Variants in ZBTB40 observed in about 807,000 individuals in gnomAD.
ZBTB40 encodes zinc finger and BTB domain-containing protein 40.
ZBTB40 carries 60 observed loss-of-function variants against 117.5 expected under a neutral mutation model. The observed-to-expected ratio is 0.51, with a 90% CI of 0.41 to 0.63. The LOEUF (loss-of-function observed/expected upper bound fraction) is 0.63. Ranked by LOEUF, ZBTB40 falls within the 30% of genes least tolerant of loss-of-function variation. The probability of loss-of-function intolerance (pLI) is 0.00; values close to 1 mark genes in which losing one functional copy is unlikely to be tolerated. For missense variants in ZBTB40, 1,287 were observed against 1,498.5 expected (o/e 0.86, Z 2.33); for synonymous variants, 525 against 577.1 (o/e 0.91, Z 1.29).
At chr1:22,508,480 G>A in intron 7 of ZBTB40, 50 bp from the exon 8 acceptor site, 1 of 1,599,960 alleles carries the variant, frequency 6.3e-7, no homozygotes, top group Non-Finnish European at 8.6e-7. Flanking sequence ...CTGCAGCTGG[G>A]CTAGTGGCTG....
At chr1:22,520,408 T>C in intron 14 of ZBTB40, 133 bp downstream of exon 14, 1 of 771,482 alleles carries the variant, frequency 1.3e-6, no homozygotes, top group Non-Finnish European at 2.2e-6. Flanking sequence ...CTGATTCTCA[T>C]GAAGGATGCA....
chr1:22,511,681 C>T lies in ZBTB40; in HGVS notation c.2008C>T (p.Leu670Phe). The part of the protein sequence containing the change: ...VMQELAYIGV[L>F]TKEDGEKETW... The stretch of plus-strand genomic sequence containing the variant: ...GAGATGTCTCTTTTATGCAGGTGTC[C>T]TTACTAAGGAAGATGGAGAGAAGGA... The change falls in exon 11 of 18, where the codon CTT (leucine) becomes TTT (phenylalanine). Residue 670 changes from leucine to phenylalanine, a missense_variant. By Grantham distance (22) the Leu-to-Phe change is conservative (BLOSUM62 0). Transcript: ENST00000375647. The T allele has an allele frequency of 1.2e-6, 2 of 1,611,100 alleles. No homozygotes were observed. Among genetic ancestry groups the T allele is most frequent in the Non-Finnish European group, 1.7e-6 (2 of 1,179,338 alleles).
At chr1:22,461,221 G>A (rs1004131902) in intron 1 of ZBTB40, among the ~76,000 whole-genome samples, 1 of 152,068 alleles carries the variant, frequency 6.6e-6, no homozygotes, top group Non-Finnish European at 1.5e-5. Context: ...TCATTCAGTT[G>A]GTACTCTGCT....
intron 1 of ZBTB40, among the ~76,000 whole-genome samples, chr1:22,467,783 T>G (rs1229716086): frequency 1.3e-5 from 2 of 151,422 alleles, no homozygotes; most frequent in African/African-American, 4.8e-5. Context: ...CCTGTTTTTT[T>G]TTTTTTTTTT....
intron 1 of ZBTB40, among the ~76,000 whole-genome samples, chr1:22,468,565 T>C (rs1641319515): frequency 7.7e-6 from 1 of 130,690 alleles, no homozygotes; most frequent in African/African-American, 2.8e-5. Context: ...AGCTTGAAAC[T>C]CCTGGGCTCA....
intron 1 of ZBTB40, among the ~76,000 whole-genome samples, chr1:22,433,673 C>CCCT (rs1640632718): frequency 7.1e-6 from 1 of 140,166 alleles, no homozygotes; most frequent in South Asian, 2.7e-4. Context: ...CTAGAACTAA[C>CCCT]CCTCCACCGA....
chr1:22,456,249 A>G (rs1288851116), intron 1 of ZBTB40, among the ~76,000 whole-genome samples: 3 of 152,196 alleles, frequency 2.0e-5, no homozygotes, highest in African/African-American at 4.8e-5. Flanking sequence ...TGCAGGGAGC[A>G]TGCAGTTTTG....
chr1:22,514,048 G>A (rs1639313076), intron 12 of ZBTB40, among the ~76,000 whole-genome samples: 1 of 152,218 alleles, frequency 6.6e-6, no homozygotes, highest in African/African-American at 2.4e-5. Flanking sequence ...AAGGGGGCAG[G>A]GAGAGGGGAG....
intron 7 of ZBTB40, 109 bp from the exon 8 acceptor site, chr1:22,508,421 C>T: frequency 7.4e-7 from 1 of 1,357,856 alleles, no homozygotes; most frequent in Non-Finnish European, 1.1e-6. Context: ...TGTTGAAAAA[C>T]TCCTTCCCCA....
intron 1 of ZBTB40, among the ~76,000 whole-genome samples, chr1:22,459,249 A>T (rs1213604954): frequency 6.6e-6 from 1 of 152,124 alleles, no homozygotes; most frequent in Non-Finnish European, 1.5e-5. Context: ...TTGGATTTGC[A>T]GTCATAGTTA....
At chr1:22,455,082 C>G (rs548441453) in intron 1 of ZBTB40, among the ~76,000 whole-genome samples, 1 of 152,136 alleles carries the variant, frequency 6.6e-6, no homozygotes, top group East Asian at 1.9e-4. Context: ...TTTTTTAAAG[C>G]CAAATTGTAC....
intron 1 of ZBTB40, among the ~76,000 whole-genome samples, chr1:22,455,809 T>TGGG: frequency 6.6e-6 from 1 of 152,144 alleles, no homozygotes; most frequent in South Asian, 2.1e-4. Flanking sequence ...CACCTGCTTT[T>TGGG]GGAGATTGAG....
intron 1 of ZBTB40, among the ~76,000 whole-genome samples, chr1:22,430,839 A>G (rs1049889817): frequency 6.6e-6 from 1 of 152,134 alleles, no homozygotes; most frequent in African/African-American, 2.4e-5. Flanking sequence ...GTTTTCAGAC[A>G]TATGAGCTTT....
chr1:22,500,111 G>C (rs986265626), intron 3 of ZBTB40, among the ~76,000 whole-genome samples: 11 of 152,220 alleles, frequency 7.2e-5, no homozygotes, highest in Admixed American at 6.5e-5. Context: ...TTGGTTACCA[G>C]ATTTTTTCAA....
chr1:22,509,328 G>T (rs1639167528), intron 9 of ZBTB40, 95 bp downstream of exon 9: 5 of 1,560,224 alleles, frequency 3.2e-6, no homozygotes, highest in Non-Finnish European at 4.4e-6. Context: ...AGTTGGTTGG[G>T]TTGTTTTTCC....
In ZBTB40 at chr1:22,512,911, T is replaced by C; in HGVS notation, c.2462-13T>C. 1.2e-6 allele frequency: 2 copies of C among 1,614,130 alleles called. No homozygotes were observed. Among genetic ancestry groups the C allele is most frequent in the Non-Finnish European group, 1.7e-6 (2 of 1,179,964 alleles). On this transcript the variant is annotated splice_polypyrimidine_tract_variant and intron_variant, in intron 11 of 17. Coordinates refer to ENST00000375647, the MANE Select transcript of ZBTB40 (RefSeq NM_014870.4). ...GCATCTCTTCTGGCCTCTGGTGTGC[T>C]TGGCTTCCCTAGGCATGCAGTACCA...
chr1:22,511,962 C>T lies in ZBTB40; in HGVS notation c.2289C>T (p.Ser763=). The part of the protein sequence containing the change: ...VHMKRCRVAK[S]KQVQCKECSE... ...TGAAGCGCTGCCGGGTGGCTAAGAGCAAACAGGTGCAGTGTAAGGAGTGCA... is the reference window on the plus strand; with the variant it reads ...TGAAGCGCTGCCGGGTGGCTAAGAGTAAACAGGTGCAGTGTAAGGAGTGCA... The change falls in exon 11 of 18, where the codon AGC becomes AGT. Residue 763 remains serine (S), a synonymous_variant. Coordinates refer to ENST00000375647, the MANE Select transcript of ZBTB40 (RefSeq NM_014870.4). 2 of 1,614,198 alleles carry T rather than the reference C, an allele frequency of 1.2e-6. No homozygotes were observed. Among genetic ancestry groups the T allele is most frequent in the Non-Finnish European group, 1.7e-6 (2 of 1,180,038 alleles).
In ZBTB40 at chr1:22,513,258, C is replaced by T. The variant is rs1639290730; in HGVS notation, c.2668+128C>T. ...GATAGCACAACAGGGTGACTAAAGT[C>T]AATAATAACTTAATTGTACATTTTA... On this transcript the variant is annotated intron_variant, in intron 12 of 17. Coordinates refer to ENST00000375647, the MANE Select transcript of ZBTB40 (RefSeq NM_014870.4). This position sits in a 1 kb window ranked among gnomAD's most constrained non-coding sequence, Gnocchi z 4.9. The T allele has an allele frequency of 1.0e-6, 1 of 983,220 alleles. No individual in the cohort carries two copies. The highest frequency in any genetic ancestry group is 1.4e-5 in the South Asian group (1 of 71,350). 60.9% of individuals were successfully genotyped at this position (983,220 alleles called of 1,614,324 possible). A position where few individuals can be genotyped will look rare whatever the true frequency, so the allele number is the denominator to read the frequency against.
chr1:22,452,339 C>A (rs1345673072), intron 1 of ZBTB40, among the ~76,000 whole-genome samples: 2 of 152,252 alleles, frequency 1.3e-5, no homozygotes, highest in Admixed American at 6.5e-5. Flanking sequence ...CTCACTCCCC[C>A]TCCCTTCAGG....
Sources: gnomAD v4.1 joint callset for allele counts (sites outside exome capture counted in the v4.1 genomes callset) on GRCh38, gnomAD v4.1.1 for gene constraint, Gnocchi (gnomAD v3.1) non-coding constraint, MANE v1.5 for transcripts, NCBI Gene and HGNC (gene_info 2026-07-23, HGNC 2026-07-21) for gene names.